Variants in CEP295 observed in about 807,000 individuals in gnomAD.
CEP295 encodes the protein centrosomal protein 295.
Under a neutral mutation model 291.6 loss-of-function variants are expected in CEP295, and 190 were observed. The observed-to-expected ratio is 0.65, with a 90% CI of 0.58 to 0.73. The LOEUF is 0.73. CEP295 is among the 30% of genes least tolerant of loss of function. CEP295 has a pLI of 0.00. For missense variants in CEP295, 2,863 were observed against 2,949.4 expected (o/e 0.97, Z 0.68); for synonymous variants, 993 against 1,038.8 (o/e 0.96, Z 0.85).
intron 12 of CEP295, 96 bp downstream of exon 12, chr11:93,692,126 A>AT: frequency 1.5e-6 from 1 of 665,814 alleles, no homozygotes; most frequent in East Asian, 2.8e-5. Context: ...TGTCTGGCTA[A>AT]TTTTGATATC....
At chr11:93,677,722 T>C (rs1448475160) in intron 6 of CEP295, among the ~76,000 whole-genome samples, 2 of 152,192 alleles carry the variant, frequency 1.3e-5, no homozygotes, top group Non-Finnish European at 2.9e-5. Context: ...TGCAGAAAAG[T>C]GAAGCTGAAT....
At chr11:93,702,418 C>T in intron 15 of CEP295, 42 bp from the exon 16 acceptor site, 2 of 1,342,408 alleles carry the variant, frequency 1.5e-6, no homozygotes, top group East Asian at 2.6e-5. Flanking sequence ...TTCACATGAT[C>T]CCCCAACTTG....
At chr11:93,700,220 A>T (rs1458326146) in intron 15 of CEP295, 34 bp downstream of exon 15, 1 of 1,483,140 alleles carries the variant, frequency 6.7e-7, no homozygotes, top group Admixed American at 2.6e-5. Context: ...ATGAAACACT[A>T]GAAGTTTAAA....
chr11:93,682,709 A>G (rs1004477060), intron 7 of CEP295, among the ~76,000 whole-genome samples: 4 of 151,944 alleles, frequency 2.6e-5, no homozygotes, highest in Admixed American at 6.6e-5. Flanking sequence ...TCTAGTGTCT[A>G]TATTAACTAA....
At chr11:93,728,554 A>G (rs985527686) in intron 24 of CEP295, 127 bp from the exon 25 acceptor site, 3 of 677,294 alleles carry the variant, frequency 4.4e-6, no homozygotes, top group Non-Finnish European at 6.9e-6. Context: ...TTTGCCAATC[A>G]TTGCTTTTCT....
intron 25 of CEP295, 97 bp downstream of exon 25, chr11:93,728,918 T>G (rs944505480): frequency 8.9e-7 from 1 of 1,124,546 alleles, no homozygotes; most frequent in African/African-American, 1.6e-5. Flanking sequence ...GAGGGAATTA[T>G]GCTATGCATT....
In CEP295 at chr11:93,729,476, G is replaced by A. The variant is rs879508127; in HGVS notation, c.7345G>A (p.Asp2449Asn). ...TCTTGTATCAGCAACAGAAGCCTCAGATTATCCAGCTGTATCAGAACTTTC... is the reference window on the plus strand; with the variant it reads ...TCTTGTATCAGCAACAGAAGCCTCAAATTATCCAGCTGTATCAGAACTTTC... ...LPLVSATEAS[D>N]YPAVSELSIE... The change falls in exon 26 of 30, where the codon GAT becomes AAT. Residue 2449 changes from aspartate to asparagine, a missense_variant. By Grantham distance (23) the Asp-to-Asn change is conservative (BLOSUM62 1). Coordinates refer to ENST00000325212, the MANE Select transcript of CEP295 (RefSeq NM_033395.2). The A allele has an allele frequency of 2.6e-5, 40 of 1,551,842 alleles. No homozygotes were observed. The highest frequency in any genetic ancestry group is 3.4e-5 in the Non-Finnish European group (39 of 1,147,034).
At chr11:93,688,096 T>A (rs1951335953) in intron 10 of CEP295, among the ~76,000 whole-genome samples, 1 of 152,176 alleles carries the variant, frequency 6.6e-6, no homozygotes, top group Non-Finnish European at 1.5e-5. Context: ...GAATCAAAAT[T>A]AACCAGTTCC....
In CEP295 at chr11:93,687,884, C is replaced by T; in HGVS notation, c.1336+19C>T. On this transcript the variant is annotated intron_variant, in intron 10 of 29. Coordinates refer to ENST00000325212, the MANE Select transcript of CEP295 (RefSeq NM_033395.2). ...GAACAAGGTATTTCTCTCCAAGAGT[C>T]TCATTTTCTATAAACCCTTTTAAGT... The T allele has an allele frequency of 6.6e-7, 1 of 1,514,720 alleles. No individual in the cohort carries two copies. The highest frequency in any genetic ancestry group is 8.9e-7 in the Non-Finnish European group (1 of 1,122,828). The allele number at this position is 1,514,720 out of a possible 1,614,324, so 93.8% of individuals were successfully genotyped here. A position where few individuals can be genotyped will look rare whatever the true frequency, so the allele number is the denominator to read the frequency against.
chr11:93,679,699 T>A, intron 7 of CEP295, 147 bp downstream of exon 7: 1 of 589,680 alleles, frequency 1.7e-6, no homozygotes, highest in Non-Finnish European at 2.6e-6. Flanking sequence ...TTCCCAACTT[T>A]CTTTGCCCTC....
chr11:93,667,069 G>T lies in CEP295; in HGVS notation c.108+254G>T, dbSNP rs547641973. Among the ~76,000 whole-genome samples the T allele has an allele frequency of 3.9e-5, 6 of 152,250 alleles. No homozygotes were observed. In the South Asian group the frequency reaches 1.2e-3, roughly 32 times the overall value. On this transcript the variant is annotated intron_variant, in intron 2 of 29. Coordinates refer to ENST00000325212, the MANE Select transcript of CEP295 (RefSeq NM_033395.2). ...ATAGCTCTTTATCTTTTTTAAAAAT[G>T]GTCTGTAATTGGTAACAGGAAGCTT...
chr11:93,695,999 C>G (rs983086312), intron 13 of CEP295, among the ~76,000 whole-genome samples: 2 of 151,876 alleles, frequency 1.3e-5, no homozygotes, highest in Admixed American at 1.3e-4. Context: ...AAGTAAAATG[C>G]CTTTGTAATT....
chr11:93,698,644 G>GA lies in CEP295; in HGVS notation c.3733dup (p.Arg1245LysfsTer12). ...TCCCAAGATGTCAGGAAAGACTTTT[G>GA]AGAGTTTCACAACATATGCTACCTC... is the stretch of plus-strand genomic sequence containing the variant. On this transcript the variant is annotated frameshift_variant, in exon 15 of 30. Transcript: ENST00000325212. LOFTEE classifies it high-confidence loss of function. The GA allele has an allele frequency of 1.3e-6, 2 of 1,550,896 alleles. No homozygotes were observed. The highest frequency in any genetic ancestry group is 1.7e-6 in the Non-Finnish European group (2 of 1,147,114).
chr11:93,671,222 CCT>C (rs1376332158), intron 5 of CEP295, among the ~76,000 whole-genome samples: 1 of 152,260 alleles, frequency 6.6e-6, no homozygotes, highest in East Asian at 1.9e-4. Context: ...CCTTGTTTTT[CCT>C]CTCTGCCAGT....
chr11:93,672,038 A>G (rs977400083), intron 5 of CEP295, among the ~76,000 whole-genome samples: 4 of 152,208 alleles, frequency 2.6e-5, no homozygotes, highest in Admixed American at 2.6e-4. Flanking sequence ...ATTTAATCAC[A>G]TTAGCCCTGC....
intron 10 of CEP295, among the ~76,000 whole-genome samples, chr11:93,690,954 T>C (rs1298309527): frequency 2.0e-5 from 3 of 152,160 alleles, no homozygotes; most frequent in Admixed American, 2.0e-4. Flanking sequence ...ACCTGGCTGG[T>C]TCTTCCTTAC....
At chr11:93,729,264 A>G (rs1018678863) in intron 25 of CEP295, 170 bp from the exon 26 acceptor site, 39 of 620,446 alleles carry the variant, frequency 6.3e-5, no homozygotes, top group Admixed American at 1.4e-4. Flanking sequence ...GCAAAACCCA[A>G]TCCCTACAAA....
chr11:93,664,615 C>T (rs899233915), intron 1 of CEP295, among the ~76,000 whole-genome samples: 2 of 152,182 alleles, frequency 1.3e-5, no homozygotes, highest in Non-Finnish European at 2.9e-5. Flanking sequence ...CTCATTGAGT[C>T]ATTCATTCAG....
chr11:93,719,246 GTTTT>G (rs61255145), intron 18 of CEP295, among the ~76,000 whole-genome samples: 1 of 135,528 alleles, frequency 7.4e-6, no homozygotes, highest in Non-Finnish European at 1.6e-5. Flanking sequence ...TTTTTTCCGG[GTTTT>G]TTTTTTTTTT....
Sources: gnomAD v4.1 joint callset for allele counts (sites outside exome capture counted in the v4.1 genomes callset) on GRCh38, gnomAD v4.1.1 for gene constraint, MANE v1.5 for transcripts, NCBI Gene and HGNC (gene_info 2026-07-23, HGNC 2026-07-21) for gene names.